SWAP70: variants seen among roughly 807,000 people sequenced by gnomAD.
SWAP70 encodes the protein switch-associated protein 70.
A neutral mutation model predicts 80.2 loss-of-function variants in SWAP70; 34 were observed. The observed-to-expected ratio is 0.42, with a 90% CI of 0.32 to 0.56. The LOEUF (loss-of-function observed/expected upper bound fraction) is 0.56, where lower values mean the gene tolerates loss of function less well. Ranked by LOEUF, SWAP70 falls within the 20% of genes least tolerant of loss-of-function variation. The pLI is 0.09. For missense variants in SWAP70, 578 were observed against 690.7 expected (o/e 0.84, Z 1.83); for synonymous variants, 239 against 238.5 (o/e 1.00, Z -0.02).
intron 1 of SWAP70, chr11:9,680,909 T>A (rs1466537662): frequency 3.9e-5 from 6 of 152,454 alleles, no homozygotes; most frequent in Admixed American, 1.3e-4. Flanking sequence ...TTCAGCTGTT[T>A]CTTGAGAGAA....
At position 9,664,134 on chromosome 11, in the gene SWAP70, G is replaced by C; in HGVS notation, c.-46G>C. Reference sequence around the variant, plus strand: ...GTTGAGGGGCGTCCGAGGCGCGGAGGGGCTGGCTGGGCAGGAGGGGTTGGC... The same window carrying C: ...GTTGAGGGGCGTCCGAGGCGCGGAGCGGCTGGCTGGGCAGGAGGGGTTGGC... On this transcript the variant is annotated 5_prime_UTR_variant, in exon 1 of 12. Coordinates refer to ENST00000318950, the MANE Select transcript of SWAP70 (RefSeq NM_015055.4). 1 of 1,521,212 alleles carries C rather than the reference G, an allele frequency of 6.6e-7. No homozygotes were observed. Among genetic ancestry groups the C allele is most frequent in the Non-Finnish European group, 8.8e-7 (1 of 1,132,790 alleles). The allele number at this position is 1,521,212 out of a possible 1,614,324, so 94.2% of individuals were successfully genotyped here.
intron 2 of SWAP70, among the ~76,000 whole-genome samples, chr11:9,697,280 T>A (rs1292054950): frequency 1.3e-5 from 2 of 151,958 alleles, no homozygotes; most frequent in African/African-American, 4.8e-5. Flanking sequence ...GATTCTTTTT[T>A]TTTTTTGAGA....
intron 1 of SWAP70, among the ~76,000 whole-genome samples, chr11:9,667,637 A>G (rs909032581): frequency 2.0e-5 from 3 of 152,022 alleles, no homozygotes; most frequent in Non-Finnish European, 2.9e-5. Context: ...ATCATGGCTC[A>G]ATGCAGCCTC....
intron 1 of SWAP70, among the ~76,000 whole-genome samples, chr11:9,688,909 A>G (rs1165053486): frequency 6.6e-6 from 1 of 152,134 alleles, no homozygotes; most frequent in Non-Finnish European, 1.5e-5. Context: ...TAGCTGTGGT[A>G]GGAAATTGGT....
intron 10 of SWAP70, among the ~76,000 whole-genome samples, chr11:9,748,386 G>A (rs1851539325): frequency 6.6e-6 from 1 of 152,256 alleles, no homozygotes; most frequent in Admixed American, 6.5e-5. Flanking sequence ...CTGAGGCAGA[G>A]CACCAGGGAG....
Sources: allele counts gnomAD v4.1 joint callset (sites outside exome capture counted in the v4.1 genomes callset), GRCh38; gene constraint gnomAD v4.1.1; transcripts MANE v1.5; gene names NCBI Gene and HGNC (gene_info 2026-07-23, HGNC 2026-07-21).